RHOJ: variants seen among roughly 807,000 people sequenced by gnomAD.
RHOJ encodes rho-related GTP-binding protein RhoJ.
Under a neutral mutation model 23.4 loss-of-function variants are expected in RHOJ, and 11 were observed. The ratio of observed to expected loss-of-function variants is 0.47; its 90% CI spans 0.30 to 0.78. The LOEUF is 0.78. Among genes scored for constraint, RHOJ ranks in the 30% least tolerant of loss-of-function variants. RHOJ has a pLI of 0.08. For synonymous variants in RHOJ, 102 were observed against 102.7 expected, an observed-to-expected ratio of 0.99 and a Z score of 0.04; for missense variants, 254 against 273.4, an observed-to-expected ratio of 0.93 and a Z score of 0.50.
chr14:63,226,791 A>G lies in RHOJ; in HGVS notation c.178+21744A>G, dbSNP rs1894602607. Among the ~76,000 whole-genome samples, 3 of 152,058 alleles carry G rather than the reference A, an allele frequency of 2.0e-5. No individual in the cohort carries two copies. In the South Asian group the frequency reaches 6.2e-4, roughly 32 times the overall value. The stretch of plus-strand genomic sequence containing the variant: ...AACTGGCACAGTCAATGCAAATACA[A>G]CTCCTAGAAAAGTTAAAGAATACTA... On this transcript the variant is annotated intron_variant, in intron 1 of 4. Transcript: ENST00000316754.
rs142580204 is a variant in RHOJ, at chr14:63,281,012, G to A, written c.279G>A (p.Thr93=). ...TGAGGCCACTCTCCTACCCCAACAC[G>A]GATGTGTTTTTGATCTGCTTCTCTG... ...NQLRPLSYPN[T]DVFLICFSVV... The change falls in exon 3 of 5, where the codon ACG becomes ACA. Residue 93 remains threonine, a synonymous_variant. Coordinates refer to ENST00000316754, the MANE Select transcript of RHOJ (RefSeq NM_020663.5). 57 of 1,613,838 alleles carry A rather than the reference G, an allele frequency of 3.5e-5. No homozygotes were observed. The African/African-American group carries it at 6.1e-4, about 17-fold the overall frequency.
chr14:63,262,115 A>T (rs1286135923), intron 1 of RHOJ, among the ~76,000 whole-genome samples: 9 of 152,186 alleles, frequency 5.9e-5, no homozygotes, highest in Non-Finnish European at 1.0e-4. Flanking sequence ...CTTGAAAGCC[A>T]TCTTATAGTC....
intron 1 of RHOJ, among the ~76,000 whole-genome samples, chr14:63,267,957 T>C (rs1035872136): frequency 1.3e-5 from 2 of 152,208 alleles, no homozygotes; most frequent in Non-Finnish European, 2.9e-5. Flanking sequence ...GTTCCTTGTA[T>C]ACATGTAGCC....
At chr14:63,205,915 A>G (rs543542894) in intron 1 of RHOJ, among the ~76,000 whole-genome samples, 4 of 152,328 alleles carry the variant, frequency 2.6e-5, no homozygotes, top group African/African-American at 9.6e-5. Flanking sequence ...ATCAAAAGCA[A>G]GTTAATGAAA....
chr14:63,219,809 C>T (rs1894446717), intron 1 of RHOJ, among the ~76,000 whole-genome samples: 7 of 58,586 alleles, frequency 1.2e-4, no homozygotes. Flanking sequence ...AGCGAGATTG[C>T]ATCTCAAAAA....
chr14:63,244,911 G>A (rs1054018094), intron 1 of RHOJ, among the ~76,000 whole-genome samples: 1 of 152,172 alleles, frequency 6.6e-6, no homozygotes, highest in Non-Finnish European at 1.5e-5. Flanking sequence ...CTCACACATG[G>A]GTATTTGTGT....
intron 1 of RHOJ, among the ~76,000 whole-genome samples, chr14:63,205,859 ATTCT>A (rs1170088384): frequency 6.6e-6 from 1 of 152,186 alleles, no homozygotes; most frequent in Non-Finnish European, 1.5e-5. Context: ...TTCCATTTTG[ATTCT>A]TTCTTTTTCT....
intron 1 of RHOJ, among the ~76,000 whole-genome samples, chr14:63,251,493 G>A (rs534211961): frequency 1.3e-5 from 2 of 152,268 alleles, no homozygotes; most frequent in East Asian, 3.9e-4. Context: ...TTTCCTGAGA[G>A]AGGAACACAA....
At chr14:63,230,736 ATCTC>A (rs757176035) in intron 1 of RHOJ, among the ~76,000 whole-genome samples, 10 of 151,156 alleles carry the variant, frequency 6.6e-5, no homozygotes, top group African/African-American at 2.2e-4. Context: ...CTTCTTTATT[ATCTC>A]TCTATTAAGA....
intron 1 of RHOJ, among the ~76,000 whole-genome samples, chr14:63,214,865 C>T (rs1216109542): frequency 6.6e-6 from 1 of 151,980 alleles, no homozygotes; most frequent in Non-Finnish European, 1.5e-5. Flanking sequence ...GTGAATCACT[C>T]CGCAAATGAA....
In RHOJ at chr14:63,253,096, TA is replaced by T. The variant is rs1464444738; in HGVS notation, c.179-16011del. Among the ~76,000 whole-genome samples the T allele has an allele frequency of 1.1e-4, 16 of 152,336 alleles. 1 individual carries two copies. The East Asian group carries it at 2.7e-3, about 26-fold the overall frequency. Reference sequence around the variant, plus strand: ...CACTTGCCTATTCTTTCTTTTCTTATAAACTCTTAAAGATGAAGGCCTCTAT... The same window carrying T: ...CACTTGCCTATTCTTTCTTTTCTTATAACTCTTAAAGATGAAGGCCTCTAT... On this transcript the variant is annotated intron_variant, in intron 1 of 4. Transcript: ENST00000316754.
intron 1 of RHOJ, among the ~76,000 whole-genome samples, chr14:63,215,380 C>G (rs1042291337): frequency 6.6e-6 from 1 of 152,150 alleles, no homozygotes; most frequent in Admixed American, 6.5e-5. Context: ...ACTGGTAAAT[C>G]AACTGAATCC....
At chr14:63,279,417 G>A (rs555541755) in intron 2 of RHOJ, among the ~76,000 whole-genome samples, 60 of 152,286 alleles carry the variant, frequency 3.9e-4, no homozygotes, top group Non-Finnish European at 5.9e-4. Flanking sequence ...GTGTATGCAC[G>A]CTTACACACA....
chr14:63,225,002 G>C (rs2139741296), intron 1 of RHOJ, among the ~76,000 whole-genome samples: 1 of 149,648 alleles, frequency 6.7e-6, no homozygotes, highest in African/African-American at 2.5e-5. Flanking sequence ...GCCCAGGCCG[G>C]AGTGCAGTGG....
At chr14:63,274,068 TC>T (rs1387873946) in intron 2 of RHOJ, among the ~76,000 whole-genome samples, 1 of 152,060 alleles carries the variant, frequency 6.6e-6, no homozygotes, top group African/African-American at 2.4e-5. Flanking sequence ...AGTCCCGCTT[TC>T]CCCCAATGGC....
intron 1 of RHOJ, among the ~76,000 whole-genome samples, chr14:63,254,298 G>A (rs943561392): frequency 5.3e-5 from 8 of 152,224 alleles, no homozygotes; most frequent in East Asian, 1.9e-4. Flanking sequence ...AAGTATCACC[G>A]TGGCCTTCTG....
intron 1 of RHOJ, among the ~76,000 whole-genome samples, chr14:63,246,563 T>C (rs192038032): frequency 2.6e-5 from 4 of 152,276 alleles, no homozygotes; most frequent in Admixed American, 2.0e-4. Context: ...ATGAGATAAT[T>C]CACATAAAGC....
chr14:63,218,598 A>G (rs1199428724), intron 1 of RHOJ, among the ~76,000 whole-genome samples: 4 of 152,206 alleles, frequency 2.6e-5, no homozygotes, highest in Non-Finnish European at 2.9e-5. Context: ...ATCAGTTAAC[A>G]CATTAAAAGC....
Position 63,286,347 on chromosome 14 carries a change from A to G in RHOJ, c.498+3131A>G, listed in dbSNP as rs190080919. Among the ~76,000 whole-genome samples the G allele has an allele frequency of 7.9e-5, 12 of 152,338 alleles. No homozygotes were observed. In the East Asian group the frequency reaches 2.1e-3, roughly 27 times the overall value. ...ACCAGGTAGCACAGAAGAGAGAGAG[A>G]CTAATACATTCACGGAAGGAGGTTT... On this transcript the variant is annotated intron_variant, in intron 4 of 4. Transcript: ENST00000316754.
Sources: gnomAD v4.1 joint callset for allele counts (sites outside exome capture counted in the v4.1 genomes callset) on GRCh38, gnomAD v4.1.1 for gene constraint, MANE v1.5 for transcripts, NCBI Gene and HGNC (gene_info 2026-07-23, HGNC 2026-07-21) for gene names.